Variants in TAOK1 observed in about 807,000 individuals in gnomAD.
TAOK1 encodes serine/threonine-protein kinase TAO1.
Under a neutral mutation model 138.3 loss-of-function variants are expected in TAOK1, and 21 were observed. That is an observed-to-expected ratio of 0.15 (90% CI 0.11 to 0.22). The LOEUF is 0.22. Among genes scored for constraint, TAOK1 ranks in the 10% least tolerant of loss-of-function variants. TAOK1 has a pLI of 1.00. For missense variants in TAOK1, 651 were observed against 1,227.7 expected (o/e 0.53, Z 7.02); for synonymous variants, 361 against 398.4 (o/e 0.91, Z 1.12).
intron 2 of TAOK1, among the ~76,000 whole-genome samples, chr17:29,452,245 T>TA (rs2030258495): frequency 6.6e-6 from 1 of 151,956 alleles, no homozygotes; most frequent in African/African-American, 2.4e-5. Context: ...AATAAATAAA[T>TA]AAACAAATGA....
chr17:29,497,479 GT>G lies in TAOK1; in HGVS notation c.1000-838del, dbSNP rs2031436499. 2.0e-5 allele frequency among the ~76,000 whole-genome samples: 3 copies of G among 152,080 alleles called. No homozygotes were observed. In the South Asian group the frequency reaches 6.2e-4, roughly 31 times the overall value. On this transcript the variant is annotated intron_variant, in intron 11 of 19. Transcript: ENST00000261716. ...AAGAAAAGTCCCTATCTATATATGT[GT>G]CTGTGTTTATTAAATTCTGCATATC...
chr17:29,517,582 G>C lies in TAOK1; in HGVS notation c.1834G>C (p.Glu612Gln). ...NLLRRQRQYL[E>Q]LECRRFKRRM... Reference sequence around the variant, plus strand: ...TCTTCGACGTCAAAGACAATACCTAGAGCTGGAATGCCGTCGCTTCAAGAG... The same window carrying C: ...TCTTCGACGTCAAAGACAATACCTACAGCTGGAATGCCGTCGCTTCAAGAG... The change falls in exon 16 of 20, where the codon GAG (glutamate) becomes CAG (glutamine). Residue 612 changes from glutamate to glutamine, a missense_variant. By Grantham distance (29) the Glu-to-Gln change is conservative. Transcript: ENST00000261716. The C allele has an allele frequency of 6.2e-7, 1 of 1,613,936 alleles. No homozygotes were observed. The highest frequency in any genetic ancestry group is 8.5e-7 in the Non-Finnish European group (1 of 1,180,034).
chr17:29,453,599 C>T lies in TAOK1; in HGVS notation c.132+1919C>T, dbSNP rs530478255. On this transcript the variant is annotated intron_variant, in intron 2 of 19. Coordinates refer to ENST00000261716, the MANE Select transcript of TAOK1 (RefSeq NM_020791.4). ...TTGTTTTGTTTTTGTTGTTTTGAGA[C>T]AGAGCGTCGCTCTGTTGCCCAGGCT... Among the ~76,000 whole-genome samples the T allele has an allele frequency of 4.1e-5, 6 of 146,822 alleles. No individual in the cohort carries two copies. The East Asian group carries it at 8.3e-4, about 20-fold the overall frequency.
intron 3 of TAOK1, among the ~76,000 whole-genome samples, chr17:29,468,152 T>TTTTTTTTTTTTTTTTTTTG (rs1471553746): frequency 1.4e-5 from 2 of 145,784 alleles, no homozygotes; most frequent in African/African-American, 5.1e-5. Context: ...TTTTTTTTTT[T>TTTTTTTTTTTTTTTTTTTG]AGGAGCTGGA....
intron 3 of TAOK1, among the ~76,000 whole-genome samples, chr17:29,471,136 C>T (rs1336390111): frequency 7.0e-6 from 1 of 142,066 alleles, no homozygotes; most frequent in African/African-American, 2.7e-5. Flanking sequence ...CCAGCCTGGA[C>T]AACAACACAA....
intron 12 of TAOK1, among the ~76,000 whole-genome samples, chr17:29,501,498 T>C (rs942982948): frequency 2.0e-5 from 3 of 152,088 alleles, no homozygotes; most frequent in African/African-American, 7.2e-5. Flanking sequence ...AGCTAACAAA[T>C]TGAGTTCAGG....
chr17:29,471,694 G>A (rs2153026092), intron 3 of TAOK1, among the ~76,000 whole-genome samples: 1 of 152,274 alleles, frequency 6.6e-6, no homozygotes, highest in African/African-American at 2.4e-5. Flanking sequence ...GATCAGGGTA[G>A]TGGTTGCTGA....
At chr17:29,492,502 A>G (rs1189410350) in intron 10 of TAOK1, among the ~76,000 whole-genome samples, 2 of 152,246 alleles carry the variant, frequency 1.3e-5, no homozygotes, top group African/African-American at 4.8e-5. Flanking sequence ...AGTTGATAAA[A>G]CATAGCTTAG....
At chr17:29,533,107 T>C (rs111406784) in intron 18 of TAOK1, among the ~76,000 whole-genome samples, 7,322 of 108,770 alleles carry the variant, frequency 0.067, 405 homozygotes, top group Middle Eastern at 0.12. Context: ...CGGAGGGGCT[T>C]CTCACTTCTC....
chr17:29,521,641 G>T (rs927285708), intron 16 of TAOK1, among the ~76,000 whole-genome samples: 5 of 152,154 alleles, frequency 3.3e-5, no homozygotes, highest in African/African-American at 1.2e-4. Flanking sequence ...GGAGTGCAGC[G>T]GCTTGATCTC....
intron 16 of TAOK1, among the ~76,000 whole-genome samples, chr17:29,518,796 TCTCG>T (rs1230562784): frequency 1.8e-4 from 28 of 151,808 alleles, no homozygotes; most frequent in African/African-American, 6.8e-4. Flanking sequence ...TGAAACAGAG[TCTCG>T]CTCTTTCACC....
At chr17:29,434,403 A>G (rs994747959) in intron 1 of TAOK1, among the ~76,000 whole-genome samples, 2 of 152,094 alleles carry the variant, frequency 1.3e-5, no homozygotes, top group Non-Finnish European at 2.9e-5. Context: ...ATTGAAGATG[A>G]ATGGCTACCA....
intron 9 of TAOK1, 21 bp downstream of exon 9, chr17:29,489,778 T>C (rs779343626): frequency 6.7e-6 from 10 of 1,498,746 alleles, no homozygotes; most frequent in Non-Finnish European, 8.2e-6. Context: ...TTAATATATA[T>C]ATTGCTCAGT....
chr17:29,424,423 C>T (rs1006683333), intron 1 of TAOK1, among the ~76,000 whole-genome samples: 2 of 120,468 alleles, frequency 1.7e-5, no homozygotes, highest in Admixed American at 1.1e-4. Flanking sequence ...GGCAACAGAG[C>T]GAGACTCCCT....
At chr17:29,474,622 C>T (rs775323661) in intron 3 of TAOK1, among the ~76,000 whole-genome samples, 4 of 152,070 alleles carry the variant, frequency 2.6e-5, no homozygotes, top group Admixed American at 6.6e-5. Context: ...TTAAATTCAC[C>T]ATCTTATATG....
intron 17 of TAOK1, among the ~76,000 whole-genome samples, chr17:29,523,988 T>C (rs2031964858): frequency 6.6e-6 from 1 of 152,186 alleles, no homozygotes. Context: ...CTCAATGGTA[T>C]TCCCAATGCC....
intron 1 of TAOK1, among the ~76,000 whole-genome samples, chr17:29,400,485 A>G (rs938243202): frequency 6.6e-6 from 1 of 151,448 alleles, no homozygotes. Flanking sequence ...TACCTCCTGG[A>G]GCTCTTTTTA....
intron 19 of TAOK1, 112 bp downstream of exon 19, chr17:29,534,412 C>G: frequency 1.0e-6 from 1 of 1,003,676 alleles, no homozygotes; most frequent in Non-Finnish European, 1.4e-6. Flanking sequence ...TTCACAATAC[C>G]ACATTTCCTG....
intron 10 of TAOK1, among the ~76,000 whole-genome samples, chr17:29,494,042 G>A (rs1445597422): frequency 6.6e-6 from 1 of 151,928 alleles, no homozygotes; most frequent in East Asian, 1.9e-4. Context: ...TCAGCCGCCC[G>A]AGTAGCTGGG....
Sources: allele counts gnomAD v4.1 joint callset (sites outside exome capture counted in the v4.1 genomes callset), GRCh38; gene constraint gnomAD v4.1.1; transcripts MANE v1.5; gene names NCBI Gene and HGNC (gene_info 2026-07-23, HGNC 2026-07-21).